Variants in DHX38 observed in about 807,000 individuals in gnomAD.
DHX38 encodes DEAH-box helicase 38.
DHX38 carries 100 observed loss-of-function variants against 153.1 expected under a neutral mutation model. That is an observed-to-expected ratio of 0.65 (90% CI 0.56 to 0.77). DHX38 has a LOEUF of 0.77. Among genes scored for constraint, DHX38 ranks in the 30% least tolerant of loss-of-function variants. The pLI is 0.00. For synonymous variants in DHX38, 650 were observed against 631.7 expected (o/e 1.03, Z -0.43); for missense variants, 1,440 against 1,654.0 (o/e 0.87, Z 2.24).
chr16:72,103,252 G>T (rs770766386), intron 12 of DHX38, 41 bp downstream of exon 12: 2 of 1,598,620 alleles, frequency 1.3e-6, no homozygotes, highest in Non-Finnish European at 1.7e-6. Context: ...GTCAAGTCAG[G>T]GGTGCCCTTG....
Position 72,105,304 on chromosome 16 carries a change from T to C in DHX38, c.2335T>C (p.Tyr779His), listed in dbSNP as rs999939641. ...NAPALAVLPI[Y>H]SQLPSDLQAK... ...GCCTGCCCTGGCTGTGCTGCCCATCTACTCTCAGCTGCCTTCTGACCTCCA... is the reference window on the plus strand; with the variant it reads ...GCCTGCCCTGGCTGTGCTGCCCATCCACTCTCAGCTGCCTTCTGACCTCCA... The change falls in exon 17 of 27, where the codon TAC becomes CAC. Residue 779 changes from tyrosine to histidine, a missense_variant. Transcript: ENST00000268482. 1.2e-6 allele frequency: 2 copies of C among 1,614,196 alleles called. No individual in the cohort carries two copies. Among genetic ancestry groups the C allele is most frequent in the Non-Finnish European group, 1.7e-6 (2 of 1,180,036 alleles).
chr16:72,104,992 A>T lies in DHX38; in HGVS notation c.2152-35A>T, dbSNP rs368872449. ...GAGATGCCCGGCCTGCGCTTCTAGT[A>T]CCTCCCTCTGACTGTGTCCCCACTG... On this transcript the variant is annotated intron_variant, in intron 15 of 26. Coordinates refer to ENST00000268482, the MANE Select transcript of DHX38 (RefSeq NM_014003.4). This position sits in a 1 kb window ranked among gnomAD's most constrained non-coding sequence, Gnocchi z 4.5. The T allele has an allele frequency of 1.3e-3, 2,078 of 1,601,584 alleles. 4 individuals carry two copies. Among genetic ancestry groups the T allele is most frequent in the South Asian group, 2.0e-3 (178 of 90,082 alleles).
chr16:72,099,616 A>T, intron 7 of DHX38, 116 bp from the exon 8 acceptor site: 2 of 1,406,836 alleles, frequency 1.4e-6, no homozygotes, highest in Non-Finnish European at 1.9e-6. Context: ...ACCCCTCACA[A>T]GGGTAGCTCC....
Position 72,108,486 on chromosome 16 carries a change from G to A in DHX38, c.3134G>A (p.Arg1045Gln), listed in dbSNP as rs534381710. The A allele has an allele frequency of 2.9e-5, 47 of 1,614,158 alleles. No individual in the cohort carries two copies. The highest frequency in any genetic ancestry group is 3.6e-5 in the Non-Finnish European group (43 of 1,180,026). The change falls in exon 23 of 27, where the codon CGA becomes CAA. Residue 1045 changes from arginine (R) to glutamine (Q), a missense_variant. Physicochemically the swap from Arg to Gln is conservative, Grantham distance 43 (BLOSUM62 1). This residue lies in a region of DHX38 where 543 missense variants were observed against 717.9 expected (regional missense o/e 0.76). Transcript: ENST00000268482. ...AKAMRKVREV[R>Q]AQLKDIMVQQ... Reference sequence around the variant, plus strand: ...CTCCTGCCCTAGGTCCGGGAGGTGCGAGCTCAACTCAAGGACATCATGGTG... The same window carrying A: ...CTCCTGCCCTAGGTCCGGGAGGTGCAAGCTCAACTCAAGGACATCATGGTG...
chr16:72,108,615 C>T lies in DHX38; in HGVS notation c.3255+8C>T, dbSNP rs2042216179. The T allele has an allele frequency of 1.9e-6, 3 of 1,612,564 alleles. No individual in the cohort carries two copies. Among genetic ancestry groups the T allele is most frequent in the Non-Finnish European group, 2.5e-6 (3 of 1,179,048 alleles). ...CAAGCAGCCAAGCTCAAGGTGAACCCAGGAGCCCAGTGAGCCCCTCCCAGC... is the reference window on the plus strand; with the variant it reads ...CAAGCAGCCAAGCTCAAGGTGAACCTAGGAGCCCAGTGAGCCCCTCCCAGC... On this transcript the variant is annotated splice_region_variant and intron_variant, in intron 23 of 26. Transcript: ENST00000268482.
intron 10 of DHX38, 151 bp from the exon 11 acceptor site, chr16:72,101,349 G>A (rs549085302): frequency 9.1e-5 from 103 of 1,126,398 alleles, no homozygotes; most frequent in Non-Finnish European, 1.3e-4. Context: ...GGGAGAGCTG[G>A]AGGCTTGAGG....
chr16:72,099,069 A>G, intron 6 of DHX38, 24 bp downstream of exon 6: 1 of 1,611,526 alleles, frequency 6.2e-7, no homozygotes, highest in Non-Finnish European at 8.5e-7. Context: ...GGCAGCAGGC[A>G]GAAGAGCAGG....
chr16:72,109,672 A>C, intron 25 of DHX38, 162 bp downstream of exon 25: 1 of 576,896 alleles, frequency 1.7e-6, no homozygotes. Flanking sequence ...CCCACCACCC[A>C]CTCCAGTTGT....
intron 5 of DHX38, 29 bp from the exon 6 acceptor site, chr16:72,098,898 T>C (rs1174105743): frequency 1.2e-6 from 2 of 1,613,850 alleles, no homozygotes; most frequent in East Asian, 2.2e-5. Context: ...TCAGTGACAG[T>C]TTTGTGATGC....
chr16:72,103,053 T>G, intron 11 of DHX38, 21 bp from the exon 12 acceptor site: 1 of 1,613,556 alleles, frequency 6.2e-7, no homozygotes, highest in Non-Finnish European at 8.5e-7. Context: ...GCAGGGTGTT[T>G]AGGCTGCTGT....
At position 72,103,961 on chromosome 16, in the gene DHX38, C is replaced by T. The variant is rs200372332; in HGVS notation, c.1840C>T (p.Arg614Cys). The T allele has an allele frequency of 2.5e-6, 4 of 1,614,132 alleles. No homozygotes were observed. The highest frequency in any genetic ancestry group is 3.4e-6 in the Non-Finnish European group (4 of 1,179,966). The change falls in exon 14 of 27, where the codon CGC becomes TGC. Residue 614 changes from arginine (R) to cysteine (C), a missense_variant. Transcript: ENST00000268482. ...NLGEEVGYAI[R>C]FEDCTSENTL... ...TGACCTCCAGGTGGGCTATGCCATC[C>T]GCTTTGAAGACTGCACTTCAGAGAA...
At chr16:72,099,417 AGGCATAGAC>A in intron 7 of DHX38, 137 bp downstream of exon 7, 1 of 814,466 alleles carries the variant, frequency 1.2e-6, no homozygotes, top group Non-Finnish European at 1.9e-6. Context: ...CTCTTTGCAG[AGGCATAGAC>A]GGCACGGTGA....
intron 26 of DHX38, among the ~76,000 whole-genome samples, chr16:72,111,611 T>C (rs1227366739): frequency 6.6e-6 from 1 of 152,132 alleles, no homozygotes; most frequent in Non-Finnish European, 1.5e-5. Context: ...ACCAAAAAGG[T>C]ACAAATTAGA....
chr16:72,103,941 T>A lies in DHX38; in HGVS notation c.1825-5T>A, dbSNP rs753487249. The A allele has an allele frequency of 4.3e-6, 7 of 1,613,460 alleles. No homozygotes were observed. The South Asian group carries it at 7.7e-5, about 18-fold the overall frequency. On this transcript the variant is annotated splice_polypyrimidine_tract_variant and splice_region_variant and intron_variant, in intron 13 of 26. Coordinates refer to ENST00000268482, the MANE Select transcript of DHX38 (RefSeq NM_014003.4). ...GGGCATCTGAGCCATCTCTCTGACC[T>A]CCAGGTGGGCTATGCCATCCGCTTT...
intron 2 of DHX38, 151 bp from the exon 3 acceptor site, chr16:72,096,671 T>G (rs1455727541): frequency 6.7e-7 from 1 of 1,487,086 alleles, no homozygotes; most frequent in African/African-American, 1.4e-5. Flanking sequence ...TGGTAGAGGT[T>G]AGAAATGCCT....
intron 18 of DHX38, 55 bp from the exon 19 acceptor site, chr16:72,105,950 A>G (rs751395821): frequency 7.5e-5 from 116 of 1,536,734 alleles, no homozygotes; most frequent in Non-Finnish European, 9.8e-5. Context: ...TCTCAGGCCT[A>G]CTTCCACTTT....
rs1294931953 is a variant in DHX38, at chr16:72,099,896, GC to G, written c.1116+11del. On this transcript the variant is annotated intron_variant, in intron 8 of 26. Transcript: ENST00000268482. ...GGAGACAGATCAATGAGGTGAGGCT[GC>G]CTGCAGAAGTTGGAGCAGATTCAGA... 3 of 1,594,172 alleles carry G rather than the reference GC, an allele frequency of 1.9e-6. No individual in the cohort carries two copies. Among genetic ancestry groups the G allele is most frequent in the Non-Finnish European group, 2.6e-6 (3 of 1,170,170 alleles).
chr16:72,110,583 A>G (rs2042242758), intron 25 of DHX38, among the ~76,000 whole-genome samples: 1 of 152,206 alleles, frequency 6.6e-6, no homozygotes, highest in Admixed American at 6.5e-5. Flanking sequence ...TTCGTAGCAT[A>G]ATTCTCCCCA....
rs2042120310 is a variant in DHX38 at position 72,102,948 on chromosome 16, C to T, written c.1500-126C>T. 3.7e-6 allele frequency: 5 copies of T among 1,339,782 alleles called. No homozygotes were observed. In the Admixed American group the frequency reaches 6.6e-5, roughly 18 times the overall value. The allele number at this position is 1,339,782 out of a possible 1,614,324, so 83.0% of individuals were successfully genotyped here. ...ATGAGAACCATCTCAGATTCCCTGG[C>T]TGCTTTGGTGTCTCAGACTCTTGCC... On this transcript the variant is annotated intron_variant, in intron 11 of 26. Coordinates refer to ENST00000268482, the MANE Select transcript of DHX38 (RefSeq NM_014003.4).
Sources: gnomAD v4.1 joint callset for allele counts (sites outside exome capture counted in the v4.1 genomes callset) on GRCh38, gnomAD v4.1.1 for gene constraint, gnomAD v4.1.1 regional missense constraint, Gnocchi (gnomAD v3.1) non-coding constraint, MANE v1.5 for transcripts, NCBI Gene and HGNC (gene_info 2026-07-23, HGNC 2026-07-21) for gene names.